The following HSPG2 variants were observed in gnomAD, a reference collection of about 807,000 sequenced individuals.
HSPG2 encodes the protein heparan sulfate proteoglycan 2.
HSPG2 carries 278 observed loss-of-function variants against 526.6 expected under a neutral mutation model. The observed-to-expected ratio is 0.53, with a 90% confidence interval of 0.48 to 0.58. HSPG2 has a LOEUF of 0.58. HSPG2 is among the 20% of genes least tolerant of loss of function. The probability of loss-of-function intolerance (pLI) is 0.00; values close to 1 mark genes in which losing one functional copy is unlikely to be tolerated. For synonymous variants in HSPG2, 2,465 were observed against 2,555.4 expected (o/e 0.96, Z 1.07); for missense variants, 5,354 against 6,099.5 (o/e 0.88, Z 4.07).
chr1:21,827,101 A>C (rs2097979226), intron 91 of HSPG2, among the ~76,000 whole-genome samples: 1 of 151,948 alleles, frequency 6.6e-6, no homozygotes, highest in Non-Finnish European at 1.5e-5. Context: ...CCAGCTACTC[A>C]GGAAGCTGAG....
chr1:21,838,952 C>T lies in HSPG2; in HGVS notation c.10023G>A (p.Gly3341=). 1 of 1,612,660 alleles carries T rather than the reference C, an allele frequency of 6.2e-7. No individual in the cohort carries two copies. Among genetic ancestry groups the T allele is most frequent in the Non-Finnish European group, 8.5e-7 (1 of 1,179,200 alleles). Residue 3341 remains glycine (G), a synonymous_variant, in exon 74 of 97, where the codon GGG becomes GGA. Transcript: ENST00000374695. The stretch of plus-strand genomic sequence containing the variant: ...GCAGCTCGTTCCTGGCGGTCGCCCT[C>T]CCAGGAAGGCTGCTGCCCACGCGGC... The part of the protein sequence containing the change: ...QWSRVGSSLP[G]RATARNELLH...
chr1:21,830,849 G>C (rs1210884581), intron 85 of HSPG2, 133 bp downstream of exon 85: 2 of 663,698 alleles, frequency 3.0e-6, no homozygotes, highest in African/African-American at 3.5e-5. Context: ...TACATGGGAG[G>C]AGTGGAGAGT....
chr1:21,935,267 C>A (rs1314605556), intron 1 of HSPG2, among the ~76,000 whole-genome samples: 1 of 152,224 alleles, frequency 6.6e-6, no homozygotes, highest in Admixed American at 6.5e-5. Context: ...TTCCAGCCCA[C>A]CACCAGCAGC....
At chr1:21,826,509 T>G in intron 91 of HSPG2, among the ~76,000 whole-genome samples, 1 of 150,896 alleles carries the variant, frequency 6.6e-6, no homozygotes, top group East Asian at 2.0e-4. Context: ...CAGCTGAATA[T>G]AGTATTTTTT....
At chr1:21,923,583 G>T (rs1644104956) in intron 1 of HSPG2, among the ~76,000 whole-genome samples, 1 of 152,092 alleles carries the variant, frequency 6.6e-6, no homozygotes, top group Non-Finnish European at 1.5e-5. Context: ...CCTCCCACAG[G>T]CTCACTGCAA....
Position 21,823,651 on chromosome 1 carries a change from T to C in HSPG2, c.12968A>G (p.Asn4323Ser), listed in dbSNP as rs1008919632. The part of the protein sequence containing the change: ...ELVSGRSPGP[N>S]VAVNAKGSVY... ...GCTGCCCTTGGCGTTGACTGCCACG[T>C]TGGGACCTGGGGACCGGCCGCTGAC... Residue 4323 changes from asparagine to serine, a missense_variant, in exon 96 of 97, where the codon AAC becomes AGC. Physicochemically the swap from Asn to Ser is conservative, Grantham distance 46. Coordinates refer to ENST00000374695, the MANE Select transcript of HSPG2 (RefSeq NM_005529.7). 2.5e-5 allele frequency: 40 copies of C among 1,613,666 alleles called. No homozygotes were observed. Among genetic ancestry groups the C allele is most frequent in the Non-Finnish European group, 3.3e-5 (39 of 1,179,998 alleles).
At chr1:21,849,216 C>T (rs1474721772) in intron 57 of HSPG2, among the ~76,000 whole-genome samples, 185 bp from the exon 58 acceptor site, 1 of 152,242 alleles carries the variant, frequency 6.6e-6, no homozygotes, top group African/African-American at 2.4e-5. Flanking sequence ...GTCTAGCGTC[C>T]CACCTCACCC....
chr1:21,852,836 T>C lies in HSPG2; in HGVS notation c.6592-4A>G, dbSNP rs527416373. 1.6e-4 allele frequency: 250 copies of C among 1,609,648 alleles called. 1 individual carries two copies. In the South Asian group the frequency reaches 2.7e-3, roughly 17 times the overall value. On this transcript the variant is annotated splice_polypyrimidine_tract_variant and splice_region_variant and intron_variant, in intron 51 of 96. Coordinates refer to ENST00000374695, the MANE Select transcript of HSPG2 (RefSeq NM_005529.7). ...GCCGCAGCAGCGAGCCGTGGGTCTG[T>C]GTGCAAATGGGGTGGGTTGGGAGGG...
intron 1 of HSPG2, among the ~76,000 whole-genome samples, chr1:21,935,728 C>A (rs1557846814): frequency 6.6e-6 from 1 of 152,220 alleles, no homozygotes; most frequent in South Asian, 2.1e-4. Flanking sequence ...GACTGTTGGG[C>A]CTCGGAAAAC....
chr1:21,824,289 C>T lies in HSPG2; in HGVS notation c.12815+17G>A. The T allele has an allele frequency of 1.9e-6, 3 of 1,613,728 alleles. No individual in the cohort carries two copies. The highest frequency in any genetic ancestry group is 2.5e-6 in the Non-Finnish European group (3 of 1,179,888). ...GGACCAGGGAAGGGAGAGGAAGGGC[C>T]AGGTGCCAGGACCTACCTGAAGACA... On this transcript the variant is annotated intron_variant, in intron 94 of 96. Coordinates refer to ENST00000374695, the MANE Select transcript of HSPG2 (RefSeq NM_005529.7). This position sits in a 1 kb window ranked among gnomAD's most constrained non-coding sequence, Gnocchi z 5.9.
chr1:21,844,379 G>C, intron 64 of HSPG2, 80 bp from the exon 65 acceptor site: 1 of 1,461,734 alleles, frequency 6.8e-7, no homozygotes. Context: ...CAGATACTAG[G>C]ACCAGAGGCC....
rs1433443688 is a variant in HSPG2 at position 21,887,370 on chromosome 1, G to A, written c.959-36C>T. 15 of 1,613,868 alleles carry A rather than the reference G, an allele frequency of 9.3e-6. No individual in the cohort carries two copies. The highest frequency in any genetic ancestry group is 2.2e-5 in the South Asian group (2 of 91,056). ...GGGCAGGGGTCAGCAGCATCCTCCC[G>A]GGCCAGCTTCCTGCTCCCCGCACCC... On this transcript the variant is annotated intron_variant, in intron 8 of 96. Coordinates refer to ENST00000374695, the MANE Select transcript of HSPG2 (RefSeq NM_005529.7). This position sits in a 1 kb window ranked among gnomAD's most constrained non-coding sequence, Gnocchi z 5.0.
chr1:21,883,860 C>T (rs1240880493), intron 13 of HSPG2, among the ~76,000 whole-genome samples: 2 of 152,222 alleles, frequency 1.3e-5, no homozygotes, highest in Non-Finnish European at 2.9e-5. Flanking sequence ...GCCATTCTGC[C>T]TCTCAGTGCC....
chr1:21,843,467 G>T, intron 65 of HSPG2, 29 bp from the exon 66 acceptor site: 2 of 1,597,856 alleles, frequency 1.3e-6, no homozygotes, highest in Non-Finnish European at 1.7e-6. Context: ...GAGCGGGGAG[G>T]GTGAGCTGGG....
Position 21,831,663 on chromosome 1 carries a change from C to T in HSPG2, c.11341G>A (p.Gly3781Arg), listed in dbSNP as rs1432249639. The T allele has an allele frequency of 2.7e-5, 44 of 1,607,140 alleles. No individual in the cohort carries two copies. Among genetic ancestry groups the T allele is most frequent in the Non-Finnish European group, 3.5e-5 (41 of 1,176,574 alleles). ...LIVGDLAPVNGTSQGKFQGLD... is the reference protein window; with the variant it reads ...LIVGDLAPVNRTSQGKFQGLD... ...GGGTTGGGTCTCACCTGGGAGGTCCCATTGACCGGGGCCAGGTCACCCACA... is the reference window on the plus strand; with the variant it reads ...GGGTTGGGTCTCACCTGGGAGGTCCTATTGACCGGGGCCAGGTCACCCACA... Residue 3781 changes from glycine to arginine, a missense_variant, in exon 82 of 97, where the codon GGG becomes AGG. Transcript: ENST00000374695.
rs12024579 is a variant in HSPG2, at chr1:21,856,978, A to C, written c.5575+37T>G. On this transcript the variant is annotated intron_variant, in intron 44 of 96. Transcript: ENST00000374695. Reference sequence around the variant, plus strand: ...TAATTCTGGTGGGAATGGGGGAGAGACAGGAGGGGAGAATCAGGTATAGAT... The same window carrying C: ...TAATTCTGGTGGGAATGGGGGAGAGCCAGGAGGGGAGAATCAGGTATAGAT... The C allele has an allele frequency of 0.8, 1,281,356 of 1,600,148 alleles. 514,509 individuals are homozygous for C. Among genetic ancestry groups the C allele is most frequent in the Middle Eastern group, 0.85 (5,118 of 6,046 alleles).
intron 33 of HSPG2, among the ~76,000 whole-genome samples, chr1:21,868,697 G>A (rs1640423496): frequency 6.6e-6 from 1 of 152,134 alleles, no homozygotes; most frequent in Non-Finnish European, 1.5e-5. Flanking sequence ...GTCAGGGCCC[G>A]CTGAAGGACA....
intron 6 of HSPG2, among the ~76,000 whole-genome samples, chr1:21,889,510 T>C (rs1398418564): frequency 6.6e-6 from 1 of 152,216 alleles, no homozygotes; most frequent in African/African-American, 2.4e-5. Context: ...GCCTTTTCAC[T>C]ATCTGCCCAT....
chr1:21,872,400 G>T lies in HSPG2; in HGVS notation c.4030-23C>A, dbSNP rs923862522. On this transcript the variant is annotated intron_variant, in intron 32 of 96. Coordinates refer to ENST00000374695, the MANE Select transcript of HSPG2 (RefSeq NM_005529.7). The surrounding 1 kb of genome is among the most constrained non-coding windows in gnomAD (Gnocchi z 5.5). The stretch of plus-strand genomic sequence containing the variant: ...GATCTGGCAGGGGAAAAAGGAGGGG[G>T]CGTCAGCCTGAGCACCGGGGTGCCT... The T allele has an allele frequency of 2.6e-6, 4 of 1,546,842 alleles. No individual in the cohort carries two copies. The Admixed American group carries it at 7.7e-5, about 30-fold the overall frequency.
Sources: allele counts gnomAD v4.1 joint callset (sites outside exome capture counted in the v4.1 genomes callset), GRCh38; gene constraint gnomAD v4.1.1; non-coding constraint Gnocchi (gnomAD v3.1); transcripts MANE v1.5; gene names NCBI Gene and HGNC (gene_info 2026-07-23, HGNC 2026-07-21).